The following NLGN1 variants were observed in gnomAD, a reference collection of about 807,000 sequenced individuals.
The protein encoded by NLGN1 is neuroligin-1.
NLGN1 carries 12 observed loss-of-function variants against 65.5 expected under a neutral mutation model. That is an observed-to-expected ratio of 0.18 (90% confidence interval 0.12 to 0.30). The LOEUF is 0.30. Ranked by LOEUF, NLGN1 falls within the 10% of genes least tolerant of loss-of-function variation. NLGN1 has a pLI of 1.00. For synonymous variants in NLGN1, 350 were observed against 359.5 expected, an observed-to-expected ratio of 0.97 and a Z score of 0.30; for missense variants, 750 against 1,007.1, an observed-to-expected ratio of 0.74 and a Z score of 3.46.
At chr3:173,690,930 A>G (rs564245171) in intron 3 of NLGN1, among the ~76,000 whole-genome samples, 11 of 152,126 alleles carry the variant, frequency 7.2e-5, no homozygotes, top group Non-Finnish European at 1.3e-4. Flanking sequence ...CCTTACGGAA[A>G]GTGCCTTAGG....
intron 3 of NLGN1, among the ~76,000 whole-genome samples, chr3:173,692,407 G>A (rs1765605462): frequency 6.6e-6 from 1 of 152,092 alleles, no homozygotes; most frequent in Admixed American, 6.6e-5. Flanking sequence ...AGGATTAACT[G>A]ATAAGTGTCT....
chr3:173,971,946 A>C (rs1716340086), intron 4 of NLGN1, among the ~76,000 whole-genome samples: 1 of 151,928 alleles, frequency 6.6e-6, no homozygotes, highest in African/African-American at 2.4e-5. Flanking sequence ...AAAGAAGACT[A>C]TGGGGAGTGG....
intron 4 of NLGN1, among the ~76,000 whole-genome samples, chr3:173,838,164 T>G (rs1724027745): frequency 6.6e-6 from 1 of 151,424 alleles, no homozygotes. Context: ...TTGTTTAGTG[T>G]AAACACTAAA....
At chr3:174,058,631 T>A (rs914079592) in intron 4 of NLGN1, among the ~76,000 whole-genome samples, 2 of 152,090 alleles carry the variant, frequency 1.3e-5, no homozygotes, top group African/African-American at 4.8e-5. Context: ...ATAAATCAAT[T>A]TTTCATATAC....
intron 4 of NLGN1, among the ~76,000 whole-genome samples, chr3:173,840,056 G>A (rs1291523304): frequency 3.9e-5 from 6 of 152,076 alleles, no homozygotes; most frequent in African/African-American, 9.7e-5. Context: ...TCGCAACATC[G>A]ACATATTCAA....
At chr3:173,915,374 T>G (rs951607755) in intron 4 of NLGN1, among the ~76,000 whole-genome samples, 2 of 152,206 alleles carry the variant, frequency 1.3e-5, no homozygotes, top group African/African-American at 4.8e-5. Context: ...TACAAGGATG[T>G]CAGGGCAAAA....
At chr3:174,233,026 A>C (rs73882728) in intron 4 of NLGN1, among the ~76,000 whole-genome samples, 16,755 of 152,234 alleles carry the variant, frequency 0.11, 1,632 homozygotes, top group African/African-American at 0.26. Flanking sequence ...ACCAAAGAAC[A>C]AGGTAGACAA....
chr3:173,554,283 T>A (rs1452926778), intron 2 of NLGN1, among the ~76,000 whole-genome samples: 1 of 152,192 alleles, frequency 6.6e-6, no homozygotes, highest in Admixed American at 6.5e-5. Flanking sequence ...TCTTTCTGTA[T>A]GTTTAGAAGC....
chr3:173,892,896 A>T (rs1314968996), intron 4 of NLGN1, among the ~76,000 whole-genome samples: 5 of 152,158 alleles, frequency 3.3e-5, no homozygotes, highest in Admixed American at 1.3e-4. Flanking sequence ...GTAGGTAACA[A>T]TATTGTACTA....
chr3:173,723,898 G>C (rs1771300059), intron 3 of NLGN1, among the ~76,000 whole-genome samples: 1 of 152,154 alleles, frequency 6.6e-6, no homozygotes, highest in South Asian at 2.1e-4. Context: ...TATCTTAAGA[G>C]GTGTCATGAA....
chr3:173,534,221 G>A (rs1487900796), intron 2 of NLGN1, among the ~76,000 whole-genome samples: 1 of 152,042 alleles, frequency 6.6e-6, no homozygotes, highest in African/African-American at 2.4e-5. Flanking sequence ...CTAATTGGTG[G>A]CCACATAAAC....
chr3:174,283,299 T>C (rs1751756661), exon 7 of NLGN1: 1 of 151,432 alleles, frequency 6.6e-6, no homozygotes, highest in Admixed American at 6.6e-5. Flanking sequence ...TCATAAAAAT[T>C]ATTTAATGTT....
intron 2 of NLGN1, among the ~76,000 whole-genome samples, chr3:173,538,785 A>G (rs190998866): frequency 2.0e-4 from 30 of 152,264 alleles, no homozygotes; most frequent in African/African-American, 2.6e-4. Context: ...AATCCACAGA[A>G]TATGTCATGC....
At chr3:173,473,737 G>A (rs1181587623) in intron 2 of NLGN1, among the ~76,000 whole-genome samples, 1 of 152,102 alleles carries the variant, frequency 6.6e-6, no homozygotes, top group East Asian at 1.9e-4. Context: ...GTATTTTAAA[G>A]TGTGCATTTC....
chr3:173,723,933 A>C (rs1304737038), intron 3 of NLGN1, among the ~76,000 whole-genome samples: 1 of 152,172 alleles, frequency 6.6e-6, no homozygotes, highest in Non-Finnish European at 1.5e-5. Flanking sequence ...ATGTCTTTTG[A>C]AGATAGAAAT....
At chr3:174,014,619 A>G (rs1293223246) in intron 4 of NLGN1, among the ~76,000 whole-genome samples, 1 of 152,214 alleles carries the variant, frequency 6.6e-6, no homozygotes, top group African/African-American at 2.4e-5. Context: ...TTCCAGGAAA[A>G]AGAGACATGC....
chr3:173,913,467 G>T (rs1021255630), intron 4 of NLGN1, among the ~76,000 whole-genome samples: 1 of 152,182 alleles, frequency 6.6e-6, no homozygotes, highest in Non-Finnish European at 1.5e-5. Flanking sequence ...GTCTTTTTAA[G>T]TGGCAGTTGA....
intron 2 of NLGN1, among the ~76,000 whole-genome samples, chr3:173,590,499 T>C (rs1234150796): frequency 6.6e-6 from 1 of 152,128 alleles, no homozygotes; most frequent in Non-Finnish European, 1.5e-5. Context: ...TCCACCATAG[T>C]AGGGGATTTT....
chr3:173,468,501 C>T (rs1724757557), intron 2 of NLGN1, among the ~76,000 whole-genome samples: 1 of 152,000 alleles, frequency 6.6e-6, no homozygotes, highest in African/African-American at 2.4e-5. Flanking sequence ...GAACTGAGGC[C>T]ATCAAATACA....
Sources: allele counts gnomAD v4.1 joint callset (sites outside exome capture counted in the v4.1 genomes callset), GRCh38; gene constraint gnomAD v4.1.1; transcripts MANE v1.5; gene names NCBI Gene and HGNC (gene_info 2026-07-23, HGNC 2026-07-21).